SUGCT: variants seen among roughly 807,000 people sequenced by gnomAD.
SUGCT encodes succinyl-CoA:glutarate-CoA transferase.
SUGCT carries 41 observed loss-of-function variants against 55.0 expected under a neutral mutation model. That is an observed-to-expected ratio of 0.74 (90% CI 0.58 to 0.97). The LOEUF is 0.97. Among genes scored for constraint, SUGCT ranks in the 50% least tolerant of loss-of-function variants. The pLI is 0.00. For synonymous variants in SUGCT, 187 were observed against 200.4 expected, an observed-to-expected ratio of 0.93 and a Z score of 0.56; for missense variants, 568 against 547.8, an observed-to-expected ratio of 1.04 and a Z score of -0.37.
At chr7:40,987,602 A>G in the SUGCT span, among the ~76,000 whole-genome samples, 1 of 152,218 alleles carries the variant, frequency 6.6e-6, no homozygotes, top group Admixed American at 6.5e-5. Context: ...AAGGGATCAG[A>G]GACAGCTTTG....
chr7:40,923,620 A>T, the SUGCT span, among the ~76,000 whole-genome samples: 1 of 152,264 alleles, frequency 6.6e-6, no homozygotes, highest in Non-Finnish European at 1.5e-5. Context: ...AAAAGCACTG[A>T]CTGGTCAAGG....
At chr7:40,624,129 G>T (rs1251575904) in intron 12 of SUGCT, among the ~76,000 whole-genome samples, 3 of 152,126 alleles carry the variant, frequency 2.0e-5, no homozygotes, top group Non-Finnish European at 2.9e-5. Context: ...TTCCTGGAAG[G>T]AGAACGTTGC....
At chr7:40,248,889 C>CACACAA (rs1790101005) in intron 7 of SUGCT, among the ~76,000 whole-genome samples, 1 of 60,664 alleles carries the variant, frequency 1.6e-5, no homozygotes, top group African/African-American at 6.6e-5. Flanking sequence ...CGCGCGCTCG[C>CACACAA]ACACACACAC....
intron 9 of SUGCT, among the ~76,000 whole-genome samples, chr7:40,353,713 C>G (rs1797751372): frequency 6.6e-6 from 1 of 152,020 alleles, no homozygotes; most frequent in African/African-American, 2.4e-5. Context: ...ATCAATTAGT[C>G]TTAATATTAC....
intron 7 of SUGCT, among the ~76,000 whole-genome samples, chr7:40,259,727 A>G (rs1454180585): frequency 6.6e-6 from 1 of 152,114 alleles, no homozygotes; most frequent in Non-Finnish European, 1.5e-5. Context: ...TCATATATCC[A>G]CATTTTGTAT....
intron 13 of SUGCT, among the ~76,000 whole-genome samples, chr7:40,849,011 T>G (rs937919220): frequency 6.6e-6 from 1 of 152,186 alleles, no homozygotes. Context: ...AATAACTTAG[T>G]ACTGGAGCTA....
chr7:40,525,036 A>C (rs750324287), intron 12 of SUGCT, among the ~76,000 whole-genome samples: 1 of 152,216 alleles, frequency 6.6e-6, no homozygotes, highest in African/African-American at 2.4e-5. Flanking sequence ...CAGGTTAAGC[A>C]AAGACCTTTG....
chr7:40,794,850 T>C (rs1257766662), intron 13 of SUGCT, among the ~76,000 whole-genome samples: 2 of 152,208 alleles, frequency 1.3e-5, no homozygotes, highest in Non-Finnish European at 2.9e-5. Context: ...AGAAGTTTTG[T>C]GTTCTTTTTA....
intron 12 of SUGCT, among the ~76,000 whole-genome samples, chr7:40,583,253 A>G (rs1303114826): frequency 6.6e-6 from 1 of 152,204 alleles, no homozygotes; most frequent in Non-Finnish European, 1.5e-5. Flanking sequence ...ATAAGGCAAT[A>G]TAAAAGTCAG....
intron 6 of SUGCT, among the ~76,000 whole-genome samples, chr7:40,207,900 G>A (rs972818302): frequency 3.9e-5 from 6 of 152,080 alleles, no homozygotes; most frequent in African/African-American, 1.4e-4. Context: ...ATTTGTACAC[G>A]CATTTTCATA....
intron 9 of SUGCT, among the ~76,000 whole-genome samples, chr7:40,380,675 CG>C (rs1307505923): frequency 6.6e-6 from 1 of 152,228 alleles, no homozygotes; most frequent in African/African-American, 2.4e-5. Flanking sequence ...CTCTATAATG[CG>C]TGTTGATAGT....
At chr7:40,947,311 T>A in the SUGCT span, among the ~76,000 whole-genome samples, 2 of 152,194 alleles carry the variant, frequency 1.3e-5, no homozygotes, top group African/African-American at 4.8e-5. Flanking sequence ...TAATTTCTAT[T>A]TCTATTGACA....
At chr7:40,232,926 T>C (rs1200322695) in intron 6 of SUGCT, among the ~76,000 whole-genome samples, 2 of 152,294 alleles carry the variant, frequency 1.3e-5, no homozygotes, top group African/African-American at 4.8e-5. Flanking sequence ...ATAGTTGTTT[T>C]TGGAATTGTA....
rs2151229346 is a variant in SUGCT, at chr7:40,363,817, T to A, written c.816+46962T>A. ...GATTTGGGGTGGAGAGTTCTGTAGA[T>A]GTCTATTAGGTCCGCTTGGTGCAGA... On this transcript the variant is annotated intron_variant, in intron 9 of 13. Coordinates refer to ENST00000335693, the MANE Select transcript of SUGCT (RefSeq NM_001193313.2). 2.6e-5 allele frequency among the ~76,000 whole-genome samples: 4 copies of A among 152,274 alleles called. No individual in the cohort carries two copies. The East Asian group carries it at 7.7e-4, about 29-fold the overall frequency.
intron 13 of SUGCT, among the ~76,000 whole-genome samples, chr7:40,773,408 C>T (rs919509124): frequency 2.6e-5 from 4 of 152,110 alleles, no homozygotes; most frequent in East Asian, 3.9e-4. Flanking sequence ...TGATTACAGG[C>T]GTGAGCCACT....
intron 9 of SUGCT, among the ~76,000 whole-genome samples, chr7:40,424,781 G>T (rs1167463041): frequency 1.3e-5 from 2 of 152,028 alleles, no homozygotes; most frequent in Non-Finnish European, 2.9e-5. Context: ...TTTAACAGTT[G>T]TTCAACTAAG....
At chr7:40,907,969 G>A in the SUGCT span, among the ~76,000 whole-genome samples, 1 of 151,126 alleles carries the variant, frequency 6.6e-6, no homozygotes, top group Non-Finnish European at 1.5e-5. Flanking sequence ...ATGTTTAAAA[G>A]TAATTATCTA....
intron 13 of SUGCT, among the ~76,000 whole-genome samples, chr7:40,807,562 A>G (rs905342865): frequency 2.3e-4 from 35 of 152,216 alleles, no homozygotes; most frequent in African/African-American, 8.2e-4. Context: ...TTGACAAAGC[A>G]TCTACAGGAA....
intron 9 of SUGCT, among the ~76,000 whole-genome samples, chr7:40,320,502 G>GT (rs1002169031): frequency 6.6e-6 from 1 of 152,148 alleles, no homozygotes; most frequent in Non-Finnish European, 1.5e-5. Flanking sequence ...CAGATAGCTG[G>GT]TCTCCAAAAA....
Sources: allele counts gnomAD v4.1 joint callset (sites outside exome capture counted in the v4.1 genomes callset), GRCh38; gene constraint gnomAD v4.1.1; transcripts MANE v1.5; gene names NCBI Gene and HGNC (gene_info 2026-07-23, HGNC 2026-07-21).